The following ENOX2 variants were observed in gnomAD, a reference collection of about 807,000 sequenced individuals.
The protein encoded by ENOX2 is APK1 antigen.
ENOX2 carries 36 observed loss-of-function variants against 45.0 expected under a neutral mutation model. That is an observed-to-expected ratio of 0.80 (90% CI 0.61 to 1.06). The LOEUF is 1.06. Ranked by LOEUF, ENOX2 falls within the 50% of genes least tolerant of loss-of-function variation. The pLI, the probability that ENOX2 is intolerant of heterozygous loss-of-function variation, is 0.00. For synonymous variants in ENOX2, 174 were observed against 152.3 expected (o/e 1.14, Z -1.05); for missense variants, 423 against 462.5 (o/e 0.91, Z 0.78).
chrX:130,689,319 C>T (rs1290475137), intron 4 of ENOX2, among the ~76,000 whole-genome samples: 2 of 111,473 alleles, frequency 1.8e-5, no homozygotes, highest in East Asian at 2.8e-4. Context: ...TAGTTTCCAA[C>T]ACACACTCTC....
intron 6 of ENOX2, among the ~76,000 whole-genome samples, chrX:130,671,304 A>G (rs2036984152): frequency 8.9e-6 from 1 of 112,369 alleles, no homozygotes. Context: ...ACTGTACATA[A>G]GACAATGAAG....
chrX:130,770,590 A>T (rs1302810526), intron 3 of ENOX2, among the ~76,000 whole-genome samples: 5 of 112,219 alleles, frequency 4.5e-5, no homozygotes, highest in Non-Finnish European at 7.5e-5. Context: ...AAAATGGGCA[A>T]AGGATATCAC....
At chrX:130,778,229 T>C (rs1237582231) in intron 3 of ENOX2, among the ~76,000 whole-genome samples, 1 of 111,654 alleles carries the variant, frequency 9.0e-6, no homozygotes, top group Admixed American at 9.5e-5. Context: ...CTCAAGCAGA[T>C]GAGTGTTCAT....
chrX:130,637,538 G>A (rs1326096723), intron 10 of ENOX2, 128 bp from the exon 11 acceptor site: 6 of 486,669 alleles, frequency 1.2e-5, no homozygotes, highest in Non-Finnish European at 2.0e-5. Flanking sequence ...CTCAGCAAGA[G>A]ATAGATACAA....
chrX:130,745,717 C>T (rs1569496249), intron 3 of ENOX2, among the ~76,000 whole-genome samples: 1 of 112,041 alleles, frequency 8.9e-6, no homozygotes, highest in Admixed American at 9.4e-5. Context: ...AGAAAGAAGA[C>T]CAACTTCTTT....
chrX:130,729,142 TATGACTACCCATACA>T (rs1427363788), intron 3 of ENOX2, among the ~76,000 whole-genome samples: 4 of 111,869 alleles, frequency 3.6e-5, no homozygotes, highest in Non-Finnish European at 7.5e-5. Flanking sequence ...TCAATACCTC[TATGACTACCCATACA>T]ACCCTTACTC....
At chrX:130,804,237 A>T (rs2077264092) in intron 2 of ENOX2, among the ~76,000 whole-genome samples, 1 of 111,751 alleles carries the variant, frequency 8.9e-6, no homozygotes, top group South Asian at 3.7e-4. Flanking sequence ...TAAACCTCAA[A>T]CCTCTAACCT....
rs192948040 is a variant in ENOX2 at position 130,648,031 on chromosome X, A to G, written c.1129+8550T>C. Among the ~76,000 whole-genome samples, 733 of 112,491 alleles carry G rather than the reference A, an allele frequency of 6.5e-3. 2 individuals are homozygous for G. Among genetic ancestry groups the G allele is most frequent in the Middle Eastern group, 0.023 (5 of 218 alleles). On this transcript the variant is annotated intron_variant, in intron 10 of 14. Transcript: ENST00000394363. ...CTCTGACGTGAAAAAATAAAAATAA[A>G]AAAATGGATCAAATTTACAATCTGT...
chrX:130,678,003 C>T (rs1407992603), intron 6 of ENOX2, among the ~76,000 whole-genome samples: 1 of 109,019 alleles, frequency 9.2e-6, no homozygotes, highest in African/African-American at 3.4e-5. Context: ...AGGAGAATTG[C>T]TTGAACCCAG....
chrX:130,735,476 C>T (rs1414017235), intron 3 of ENOX2, among the ~76,000 whole-genome samples: 1 of 111,821 alleles, frequency 8.9e-6, no homozygotes, highest in Non-Finnish European at 1.9e-5. Flanking sequence ...GGGAAGGTGA[C>T]CTCCTGGTCC....
chrX:130,888,753 C>G (rs1018294798), intron 2 of ENOX2, among the ~76,000 whole-genome samples: 3 of 111,900 alleles, frequency 2.7e-5, no homozygotes, highest in Non-Finnish European at 5.6e-5. Flanking sequence ...TAGACGGAAT[C>G]GCTGTTTGCT....
intron 5 of ENOX2, among the ~76,000 whole-genome samples, chrX:130,683,975 T>G (rs1359750244): frequency 8.9e-6 from 1 of 111,854 alleles, no homozygotes; most frequent in Non-Finnish European, 1.9e-5. Flanking sequence ...GTTAAGATCC[T>G]TATCAGAGAT....
intron 2 of ENOX2, among the ~76,000 whole-genome samples, chrX:130,866,273 A>T (rs2078491536): frequency 9.0e-6 from 1 of 111,571 alleles, no homozygotes; most frequent in Non-Finnish European, 1.9e-5. Context: ...TATACAGATA[A>T]CATTGTCCTG....
At chrX:130,653,406 A>G (rs1260704959) in intron 10 of ENOX2, among the ~76,000 whole-genome samples, 2 of 112,178 alleles carry the variant, frequency 1.8e-5, no homozygotes, top group Non-Finnish European at 3.8e-5. Context: ...TAAGGTTGGC[A>G]TACATAGCCC....
rs140571676 is a variant in ENOX2 at position 130,846,498 on chromosome X, C to T, written c.-183+55186G>A. 3.0e-3 allele frequency among the ~76,000 whole-genome samples: 329 copies of T among 111,179 alleles called. 3 individuals carry two copies. The East Asian group carries it at 0.05, about 17-fold the overall frequency. ...GATTACAGGCATGTGCCACCACGCC[C>T]GCCTAATTTTGTATTTTTAGTAGAG... On this transcript the variant is annotated intron_variant, in intron 2 of 14. Transcript: ENST00000394363.
intron 9 of ENOX2, among the ~76,000 whole-genome samples, chrX:130,665,127 GGT>G (rs2036797051): frequency 8.9e-6 from 1 of 111,948 alleles, no homozygotes; most frequent in African/African-American, 3.2e-5. Flanking sequence ...TAAGCAGAGA[GGT>G]GTGTGCCAAC....
chrX:130,719,375 G>C (rs897495934), intron 3 of ENOX2, among the ~76,000 whole-genome samples: 1 of 109,376 alleles, frequency 9.1e-6, no homozygotes, highest in African/African-American at 3.3e-5. Context: ...GTGCCCAGGA[G>C]GGGGTGTGAG....
chrX:130,823,329 G>T (rs2077653403), intron 2 of ENOX2, among the ~76,000 whole-genome samples: 1 of 111,604 alleles, frequency 9.0e-6, no homozygotes, highest in Non-Finnish European at 1.9e-5. Flanking sequence ...GACCTTAGGG[G>T]ATAGGATGGC....
At chrX:130,877,288 G>A (rs2078723438) in intron 2 of ENOX2, among the ~76,000 whole-genome samples, 2 of 111,907 alleles carry the variant, frequency 1.8e-5, no homozygotes, top group Admixed American at 1.9e-4. Context: ...ACATCTACTG[G>A]ATTGCTCTTT....
Sources: gnomAD v4.1 joint callset for allele counts (sites outside exome capture counted in the v4.1 genomes callset) on GRCh38, gnomAD v4.1.1 for gene constraint, MANE v1.5 for transcripts, NCBI Gene and HGNC (gene_info 2026-07-23, HGNC 2026-07-21) for gene names.